DKK3: variants seen among roughly 807,000 people sequenced by gnomAD.
DKK3 encodes dickkopf-related protein 3.
In DKK3, 22 loss-of-function variants were observed where a neutral mutation model predicts 33.2. The ratio of observed to expected loss-of-function variants is 0.66; its 90% CI spans 0.47 to 0.95. DKK3 has a LOEUF of 0.95. Among genes scored for constraint, DKK3 ranks in the 40% least tolerant of loss-of-function variants. The pLI is 0.00. For synonymous variants in DKK3, 194 were observed against 188.8 expected (o/e 1.03, Z -0.23); for missense variants, 398 against 458.4 (o/e 0.87, Z 1.20).
chr11:12,009,611 G>A (rs935304638), upstream of DKK3: 7 of 985,768 alleles, frequency 7.1e-6, no homozygotes, highest in Non-Finnish European at 8.4e-6. Flanking sequence ...CGAGGTTGGG[G>A]GTAGGGGGAA....
intron 1 of DKK3, among the ~76,000 whole-genome samples, chr11:12,004,954 A>C (rs896472421): frequency 2.6e-5 from 4 of 152,236 alleles, no homozygotes; most frequent in Non-Finnish European, 5.9e-5. Flanking sequence ...GATAGAAGAC[A>C]GAATGGGCAA....
intron 3 of DKK3, among the ~76,000 whole-genome samples, chr11:11,984,815 G>T (rs950401211): frequency 6.6e-6 from 1 of 152,156 alleles, no homozygotes; most frequent in Admixed American, 6.5e-5. Flanking sequence ...AGCCTCTAAG[G>T]AGCGTCCAAT....
intron 3 of DKK3, among the ~76,000 whole-genome samples, chr11:11,997,100 G>A (rs958350999): frequency 2.0e-5 from 3 of 152,230 alleles, no homozygotes; most frequent in African/African-American, 4.8e-5. Flanking sequence ...GGGTGGAGGG[G>A]GCAGCATGGG....
intron 6 of DKK3, 95 bp downstream of exon 6, chr11:11,965,714 T>A: frequency 1.4e-6 from 2 of 1,458,080 alleles, no homozygotes. Flanking sequence ...AATCTACACC[T>A]CCCCCAGGGA....
chr11:12,009,326 G>T, upstream of DKK3: 1 of 982,046 alleles, frequency 1.0e-6, no homozygotes, highest in Non-Finnish European at 1.2e-6. Flanking sequence ...ACCCGAGGGA[G>T]CCCGCAAGAC....
chr11:12,000,427 G>A (rs759356213), intron 2 of DKK3, among the ~76,000 whole-genome samples: 27 of 152,106 alleles, frequency 1.8e-4, no homozygotes, highest in African/African-American at 2.7e-4. Context: ...GGCTGGTCTC[G>A]AGCTCCTGAT....
chr11:11,983,974 T>C (rs993266111), intron 3 of DKK3, among the ~76,000 whole-genome samples: 1 of 152,180 alleles, frequency 6.6e-6, no homozygotes, highest in Non-Finnish European at 1.5e-5. Context: ...TTATCTACAA[T>C]GGTGGGGATG....
intron 3 of DKK3, chr11:11,968,792 G>A (rs765195245): frequency 5.5e-5 from 15 of 274,294 alleles, no homozygotes; most frequent in Admixed American, 1.1e-4. Flanking sequence ...GGGACTCAGG[G>A]CTGGTCTTCC....
In DKK3 at chr11:12,008,607, G is replaced by A; in HGVS notation, c.-25C>T. 7.3e-7 allele frequency: 1 copy of A among 1,375,528 alleles called. No individual in the cohort carries two copies. The highest frequency in any genetic ancestry group is 9.3e-7 in the Non-Finnish European group (1 of 1,074,590). The allele number at this position is 1,375,528 out of a possible 1,614,324, so 85.2% of individuals were successfully genotyped here. On this transcript the variant is annotated 5_prime_UTR_variant, in exon 1 of 7. Transcript: ENST00000683431. The surrounding 1 kb of genome is among the most constrained non-coding windows in gnomAD (Gnocchi z 4.6). ...TCTCCGCTCTGCGCCCGCAGCCGCC[G>A]CCTGTGTGTCCCGGAACGCGATCAG...
At chr11:11,998,255 C>A (rs73421385) in intron 3 of DKK3, 3,126 of 223,534 alleles carry the variant, frequency 0.014, 91 homozygotes, top group African/African-American at 0.068. Flanking sequence ...GGACGGACAG[C>A]CTTTTTCCCT....
Position 11,964,450 on chromosome 11 carries a change from A to C in DKK3, c.*14T>G. The stretch of plus-strand genomic sequence containing the variant: ...CTATTTCTATTGCACATCTACCCAC[A>C]GCCTGGTCCAGATCTAAATCTCTTC... On this transcript the variant is annotated 3_prime_UTR_variant, in exon 7 of 7. Coordinates refer to ENST00000683431, the MANE Select transcript of DKK3 (RefSeq NM_001018057.2). The C allele has an allele frequency of 6.2e-7, 1 of 1,607,226 alleles. No individual in the cohort carries two copies.
rs185746540 is a variant in DKK3 at position 11,974,961 on chromosome 11, G to C, written c.436-6474C>G. Among the ~76,000 whole-genome samples, 24 of 152,152 alleles carry C rather than the reference G, an allele frequency of 1.6e-4. No homozygotes were observed. The East Asian group carries it at 3.5e-3, about 22-fold the overall frequency. On this transcript the variant is annotated intron_variant, in intron 3 of 6. Transcript: ENST00000683431. The stretch of plus-strand genomic sequence containing the variant: ...ACCAGTAGATGAACCACTGGTCATA[G>C]AGCCTTAGAGCCTAATGGTGTTGAT...
At chr11:11,973,360 C>A (rs993232620) in intron 3 of DKK3, among the ~76,000 whole-genome samples, 5 of 152,144 alleles carry the variant, frequency 3.3e-5, no homozygotes, top group Non-Finnish European at 7.4e-5. Flanking sequence ...CTTAGTAGCA[C>A]CTGCCCGGGA....
chr11:11,975,413 G>T (rs1847812192), intron 3 of DKK3, among the ~76,000 whole-genome samples: 1 of 152,250 alleles, frequency 6.6e-6, no homozygotes, highest in African/African-American at 2.4e-5. Context: ...AGTCACTGAA[G>T]GTTTGGGTGG....
At chr11:11,995,694 T>C (rs146153172) in intron 3 of DKK3, among the ~76,000 whole-genome samples, 1 of 152,360 alleles carries the variant, frequency 6.6e-6, no homozygotes, top group Non-Finnish European at 1.5e-5. Flanking sequence ...AGCTTCTACA[T>C]GCTGCTTTCC....
intron 3 of DKK3, among the ~76,000 whole-genome samples, chr11:11,970,050 G>A (rs891170978): frequency 6.6e-5 from 10 of 152,170 alleles, no homozygotes; most frequent in African/African-American, 2.2e-4. Flanking sequence ...CCCAGCACAC[G>A]CTCTTGTGCA....
chr11:11,966,546 T>C (rs1847599815), intron 5 of DKK3, among the ~76,000 whole-genome samples: 1 of 151,444 alleles, frequency 6.6e-6, no homozygotes, highest in African/African-American at 2.4e-5. Flanking sequence ...AGGCGGCAAA[T>C]GAGAATTTTT....
Position 11,967,131 on chromosome 11 carries a change from G to A in DKK3, c.529-33C>T, listed in dbSNP as rs369827220. 8.1e-5 allele frequency: 130 copies of A among 1,606,480 alleles called. 2 individuals carry two copies. Among genetic ancestry groups the A allele is most frequent in the South Asian group, 1.8e-4 (16 of 89,714 alleles). On this transcript the variant is annotated intron_variant, in intron 4 of 6. Coordinates refer to ENST00000683431, the MANE Select transcript of DKK3 (RefSeq NM_001018057.2). Reference sequence around the variant, plus strand: ...CAGGTGGAAAGAGCCTAGAGCCAGCGGCTTAGGGACTGGGGGCCTGCTGAG... The same window carrying A: ...CAGGTGGAAAGAGCCTAGAGCCAGCAGCTTAGGGACTGGGGGCCTGCTGAG...
intron 3 of DKK3, among the ~76,000 whole-genome samples, chr11:11,971,007 T>C (rs996048709): frequency 1.3e-5 from 2 of 152,008 alleles, no homozygotes; most frequent in Non-Finnish European, 2.9e-5. Flanking sequence ...TGCCAAATGC[T>C]TTGGGGTAAT....
Sources: allele counts gnomAD v4.1 joint callset (sites outside exome capture counted in the v4.1 genomes callset), GRCh38; gene constraint gnomAD v4.1.1; non-coding constraint Gnocchi (gnomAD v3.1); transcripts MANE v1.5; gene names NCBI Gene and HGNC (gene_info 2026-07-23, HGNC 2026-07-21).